NDEL1: variants seen among roughly 807,000 people sequenced by gnomAD.
The protein encoded by NDEL1 is nuclear distribution protein nudE-like 1.
A neutral mutation model predicts 45.7 loss-of-function variants in NDEL1; 9 were observed. The ratio of observed to expected loss-of-function variants is 0.20; its 90% CI spans 0.12 to 0.34. The LOEUF (loss-of-function observed/expected upper bound fraction) is 0.34. Among genes scored for constraint, NDEL1 ranks in the 10% least tolerant of loss-of-function variants. The pLI is 1.00. For missense variants in NDEL1, 306 were observed against 406.2 expected, an observed-to-expected ratio of 0.75 and a Z score of 2.12; for synonymous variants, 133 against 158.6, an observed-to-expected ratio of 0.84 and a Z score of 1.21.
downstream of NDEL1, among the ~76,000 whole-genome samples, chr17:8,469,983 C>T (rs1218339545): frequency 6.6e-6 from 1 of 150,486 alleles, no homozygotes; most frequent in Non-Finnish European, 1.5e-5. Flanking sequence ...TCTGGGATTA[C>T]AGGTGTGGGC....
chr17:8,439,407 ATTT>A (rs35226962), intron 1 of NDEL1, among the ~76,000 whole-genome samples: 286 of 140,620 alleles, frequency 2.0e-3, no homozygotes, highest in Middle Eastern at 3.5e-3. Flanking sequence ...TACCCAGCTA[ATTT>A]TTTTTTTTTT....
rs569450878 is a variant in NDEL1 at position 8,442,231 on chromosome 17, C to T, written c.-12-2029C>T. 2.0e-5 allele frequency among the ~76,000 whole-genome samples: 3 copies of T among 152,186 alleles called. No homozygotes were observed. In the South Asian group the frequency reaches 6.2e-4, roughly 32 times the overall value. ...CCATGTATCGGATTAATAATTTTGT[C>T]TAACTGATAATGATAGGTTTTCTAA... is the stretch of plus-strand genomic sequence containing the variant. On this transcript the variant is annotated intron_variant, in intron 1 of 8. Transcript: ENST00000334527.
intron 4 of NDEL1, among the ~76,000 whole-genome samples, chr17:8,447,576 GAT>G (rs1910164627): frequency 6.6e-6 from 1 of 152,052 alleles, no homozygotes; most frequent in Admixed American, 6.6e-5. Flanking sequence ...TCCTCTAGCT[GAT>G]ATATCTTTAT....
rs754586931 is a variant in NDEL1, at chr17:8,466,964, C to T, written c.979C>T (p.Pro327Ser). The T allele has an allele frequency of 9.3e-6, 15 of 1,614,136 alleles. No homozygotes were observed. Among genetic ancestry groups the T allele is most frequent in the African/African-American group, 4.0e-5 (3 of 74,948 alleles). The change falls in exon 9 of 9, where the codon CCT becomes TCT. Residue 327 changes from proline to serine, a missense_variant. Coordinates refer to ENST00000334527, the MANE Select transcript of NDEL1 (RefSeq NM_030808.5). ...CGGCTTTGACCCCGCTCCTCCTCCT[C>T]CTGGTCTGGGCTCCTCGCGTCCATC... ...VNGFDPAPPP[P>S]GLGSSRPSSA...
At chr17:8,435,687 G>T (rs1909245223), upstream of NDEL1, among the ~76,000 whole-genome samples, 1 of 152,254 alleles carries the variant, frequency 6.6e-6, no homozygotes, top group Admixed American at 6.5e-5. Flanking sequence ...AAACCAGCCG[G>T]TCGCAGAGTC....
chr17:8,453,096 A>G (rs1263750225), intron 6 of NDEL1, among the ~76,000 whole-genome samples: 1 of 152,218 alleles, frequency 6.6e-6, no homozygotes, highest in Non-Finnish European at 1.5e-5. Context: ...CACAGATTTA[A>G]TAACACCTAA....
intron 8 of NDEL1, among the ~76,000 whole-genome samples, chr17:8,461,699 A>G (rs1911217603): frequency 1.3e-5 from 2 of 152,222 alleles, no homozygotes; most frequent in African/African-American, 4.8e-5. Flanking sequence ...ACATGAGCGT[A>G]GCCATTTCCC....
At chr17:8,443,662 A>G (rs1909903834) in intron 1 of NDEL1, among the ~76,000 whole-genome samples, 1 of 152,140 alleles carries the variant, frequency 6.6e-6, no homozygotes, top group Admixed American at 6.5e-5. Flanking sequence ...GAGAAGAACC[A>G]GGATGAGAGA....
intron 1 of NDEL1, among the ~76,000 whole-genome samples, chr17:8,417,214 C>T (rs1908565767): frequency 6.6e-6 from 1 of 151,886 alleles, no homozygotes; most frequent in East Asian, 1.9e-4. Flanking sequence ...CCTCCCATGT[C>T]GAAGTGATTC....
In NDEL1 at chr17:8,447,036, C is replaced by T. The variant is rs192103311; in HGVS notation, c.389+134C>T. ...GTGTTTCATGTCACCTGTAACTCAT[C>T]GGACGGAAGGGAACCCCAAATCCTC... On this transcript the variant is annotated intron_variant, in intron 4 of 8. Transcript: ENST00000334527. 4.7e-5 allele frequency: 52 copies of T among 1,108,142 alleles called. No homozygotes were observed. The East Asian group carries it at 8.8e-4, about 19-fold the overall frequency. 68.6% of individuals were successfully genotyped at this position (1,108,142 alleles called of 1,614,324 possible). A position where few individuals can be genotyped will look rare whatever the true frequency, so the allele number is the denominator to read the frequency against.
chr17:8,450,237 C>T (rs1046039100), intron 5 of NDEL1, among the ~76,000 whole-genome samples: 47 of 148,818 alleles, frequency 3.2e-4, no homozygotes, highest in African/African-American at 1.1e-3. Flanking sequence ...TGCAGTGAGC[C>T]GAGATTGCGT....
upstream of NDEL1, among the ~76,000 whole-genome samples, chr17:8,432,355 TATAA>T (rs60000347): frequency 0.57 from 67,734 of 119,676 alleles, 23,281 homozygotes; most frequent in Admixed American, 0.69. Context: ...TAAATATAAA[TATAA>T]ATATATATAT....
rs8064417 is a variant in NDEL1, at chr17:8,435,989, G to A, written c.-69G>A. ...GCGGCTGGGCGGGCCTGGCCGGGCC[G>A]GCGGAGGGGAGACGTCGGTTGAGCG... On this transcript the variant is annotated 5_prime_UTR_variant, in exon 1 of 9. Coordinates refer to ENST00000334527, the MANE Select transcript of NDEL1 (RefSeq NM_030808.5). 1 allele frequency: 445,501 copies of A among 447,698 alleles called. 221,700 individuals carry two copies. Among genetic ancestry groups the A allele is most frequent in the East Asian group, 1 (13,156 of 13,156 alleles). The allele number at this position is 447,698 out of a possible 1,614,324, so 27.7% of individuals were successfully genotyped here.
chr17:8,423,513 A>G (rs1908752965), intron 1 of NDEL1, among the ~76,000 whole-genome samples: 1 of 152,092 alleles, frequency 6.6e-6, no homozygotes. Context: ...GCAAAACCCC[A>G]TCTCTACTAA....
chr17:8,427,255 A>T (rs1908859651), intron 1 of NDEL1, among the ~76,000 whole-genome samples: 1 of 152,220 alleles, frequency 6.6e-6, no homozygotes, highest in Admixed American at 6.5e-5. Context: ...GCTAATGAGG[A>T]TGCAATAAAG....
chr17:8,454,719 A>G, intron 6 of NDEL1, 77 bp from the exon 7 acceptor site: 1 of 1,009,570 alleles, frequency 9.9e-7, no homozygotes, highest in Non-Finnish European at 1.5e-6. Flanking sequence ...GTGTTACACT[A>G]CTTTGTAACA....
chr17:8,448,394 C>T (rs963380065), intron 4 of NDEL1, among the ~76,000 whole-genome samples, 156 bp from the exon 5 acceptor site: 4 of 152,260 alleles, frequency 2.6e-5, no homozygotes, highest in Non-Finnish European at 5.9e-5. Flanking sequence ...ACACTACGTG[C>T]CAGCAGTGGT....
At position 8,467,260 on chromosome 17, in the gene NDEL1, C is replaced by T. The variant is rs771039326; in HGVS notation, c.*237C>T. ...TAGTGCCGTTGGTTTCACATGATTGCACTTTTGTGGGTCGCAAGGTGATAC... is the reference window on the plus strand; with the variant it reads ...TAGTGCCGTTGGTTTCACATGATTGTACTTTTGTGGGTCGCAAGGTGATAC... On this transcript the variant is annotated 3_prime_UTR_variant, in exon 9 of 9. Transcript: ENST00000334527. This position sits in a 1 kb window ranked among gnomAD's most constrained non-coding sequence, Gnocchi z 6.3. 4.6e-4 allele frequency: 268 copies of T among 587,186 alleles called. 3 individuals carry two copies. In the East Asian group the frequency reaches 7.3e-3, roughly 16 times the overall value. The allele number at this position is 587,186 out of a possible 1,614,324, so 36.4% of individuals were successfully genotyped here. A position where few individuals can be genotyped will look rare whatever the true frequency, so the allele number is the denominator to read the frequency against.
intron 4 of NDEL1, among the ~76,000 whole-genome samples, chr17:8,447,215 T>A (rs1910140746): frequency 6.6e-6 from 1 of 152,364 alleles, no homozygotes; most frequent in South Asian, 2.1e-4. Context: ...TGATCTCGGC[T>A]CACTGCAACC....
Sources: allele counts gnomAD v4.1 joint callset (sites outside exome capture counted in the v4.1 genomes callset), GRCh38; gene constraint gnomAD v4.1.1; non-coding constraint Gnocchi (gnomAD v3.1); transcripts MANE v1.5; gene names NCBI Gene and HGNC (gene_info 2026-07-23, HGNC 2026-07-21).